ZNF366: variants seen among roughly 807,000 people sequenced by gnomAD.
The protein encoded by ZNF366 is zinc finger protein 366, also known as dendritic cell-specific transcript protein.
A neutral mutation model predicts 47.2 loss-of-function variants in ZNF366; 20 were observed. The observed-to-expected ratio is 0.42, with a 90% CI of 0.30 to 0.62. The LOEUF is 0.62. ZNF366 is among the 20% of genes least tolerant of loss of function. The pLI, the probability that ZNF366 is intolerant of heterozygous loss-of-function variation, is 0.16. For missense variants in ZNF366, 987 were observed against 976.3 expected, an observed-to-expected ratio of 1.01 and a Z score of -0.15; for synonymous variants, 421 against 395.1, an observed-to-expected ratio of 1.07 and a Z score of -0.78.
intron 1 of ZNF366, chr5:72,472,639 G>A (rs1743593955): frequency 1.1e-6 from 1 of 872,808 alleles, no homozygotes; most frequent in Non-Finnish European, 1.4e-6. Context: ...AAGATTCATA[G>A]TAATTACAGA....
intron 1 of ZNF366, among the ~76,000 whole-genome samples, chr5:72,478,501 A>G (rs972999448): frequency 2.0e-5 from 3 of 152,144 alleles, no homozygotes; most frequent in African/African-American, 7.2e-5. Context: ...AATGTGCCCA[A>G]TTTCTTTGCC....
At chr5:72,502,039 C>CT (rs376984539) in intron 1 of ZNF366, among the ~76,000 whole-genome samples, 16 of 150,338 alleles carry the variant, frequency 1.1e-4, no homozygotes, top group African/African-American at 2.4e-4. Context: ...GTTTGACTAA[C>CT]TTTTTTTTTT....
At chr5:72,456,754 A>G (rs1293816992) in intron 2 of ZNF366, among the ~76,000 whole-genome samples, 159 bp from the exon 3 acceptor site, 1 of 152,086 alleles carries the variant, frequency 6.6e-6, no homozygotes, top group Non-Finnish European at 1.5e-5. Flanking sequence ...TTAAATTACT[A>G]TTTTCTTGAA....
chr5:72,457,661 C>T (rs536920142), intron 2 of ZNF366, among the ~76,000 whole-genome samples: 1 of 152,266 alleles, frequency 6.6e-6, no homozygotes, highest in East Asian at 1.9e-4. Context: ...GCCCATGGTA[C>T]TAAATGGTGG....
intron 1 of ZNF366, among the ~76,000 whole-genome samples, chr5:72,490,510 G>C (rs1288728498): frequency 6.6e-6 from 1 of 152,146 alleles, no homozygotes; most frequent in African/African-American, 2.4e-5. Flanking sequence ...GCTGAAAGAT[G>C]GCAAGGTACC....
chr5:72,504,061 A>C (rs1329908597), intron 1 of ZNF366, among the ~76,000 whole-genome samples: 1 of 152,042 alleles, frequency 6.6e-6, no homozygotes, highest in Non-Finnish European at 1.5e-5. Context: ...ACACGCACGC[A>C]CACACGCACG....
chr5:72,464,861 C>T (rs1186541342), intron 1 of ZNF366, among the ~76,000 whole-genome samples: 1 of 151,926 alleles, frequency 6.6e-6, no homozygotes, highest in East Asian at 1.9e-4. Flanking sequence ...GAGTTTGAGA[C>T]CAGCCTGGCC....
intron 1 of ZNF366, among the ~76,000 whole-genome samples, chr5:72,496,392 C>T (rs933426555): frequency 6.6e-6 from 1 of 152,090 alleles, no homozygotes; most frequent in African/African-American, 2.4e-5. Context: ...GTGTCTGGTT[C>T]CTTTAATAAT....
At chr5:72,501,190 G>A (rs1258181750) in intron 1 of ZNF366, among the ~76,000 whole-genome samples, 1 of 152,182 alleles carries the variant, frequency 6.6e-6, no homozygotes, top group Non-Finnish European at 1.5e-5. Flanking sequence ...CGCTGGTGGT[G>A]GCAGTGCCGT....
In ZNF366 at chr5:72,443,769, A is replaced by C. The variant is rs1184528273; in HGVS notation, c.2222T>G (p.Leu741Arg). ...LERKMEKQAVLLGI is the reference protein window; with the variant it reads ...LERKMEKQAVRLGI ...AAAACTGTCCACTTAGATACCTAAAAGCACTGCTTGTTTTTCCATTTTCCT... is the reference window on the plus strand; with the variant it reads ...AAAACTGTCCACTTAGATACCTAAACGCACTGCTTGTTTTTCCATTTTCCT... Residue 741 changes from leucine (L) to arginine (R), a missense_variant, in exon 5 of 5, where the codon CTT becomes CGT. This residue lies in a region of ZNF366 where 285 missense variants were observed against 234.8 expected (regional missense o/e 1.21). Transcript: ENST00000318442. 6.2e-7 allele frequency: 1 copy of C among 1,613,000 alleles called. No homozygotes were observed. The highest frequency in any genetic ancestry group is 8.5e-7 in the Non-Finnish European group (1 of 1,179,368).
chr5:72,463,721 G>A (rs995724078), intron 1 of ZNF366, among the ~76,000 whole-genome samples: 5 of 152,240 alleles, frequency 3.3e-5, no homozygotes, highest in Admixed American at 1.3e-4. Context: ...GGACCAGCAG[G>A]AGGATGGGGA....
chr5:72,479,853 T>G (rs929787501), intron 1 of ZNF366, among the ~76,000 whole-genome samples: 14 of 152,202 alleles, frequency 9.2e-5, no homozygotes, highest in Non-Finnish European at 2.1e-4. Flanking sequence ...GGTATAAGAC[T>G]GGAGACAGGG....
chr5:72,460,032 C>A lies in ZNF366; in HGVS notation c.1332+133G>T, dbSNP rs1250040114. The A allele has an allele frequency of 3.2e-6, 4 of 1,249,614 alleles. No individual in the cohort carries two copies. In the South Asian group the frequency reaches 4.7e-5, roughly 15 times the overall value. 77.4% of individuals were successfully genotyped at this position (1,249,614 alleles called of 1,614,324 possible). On this transcript the variant is annotated intron_variant, in intron 2 of 4. Coordinates refer to ENST00000318442, the MANE Select transcript of ZNF366 (RefSeq NM_152625.3). ...GGACCTCAGGGCTCGGCCAAGGGAC[C>A]GCTTGTCCGGGGTTGCCCACCTCCT... is the stretch of plus-strand genomic sequence containing the variant.
chr5:72,473,020 C>A (rs1361562174), intron 1 of ZNF366, among the ~76,000 whole-genome samples: 2 of 152,226 alleles, frequency 1.3e-5, no homozygotes, highest in East Asian at 3.9e-4. Context: ...ACACTGGGAT[C>A]TCCTTGAAGC....
chr5:72,487,004 T>C (rs538140058), intron 1 of ZNF366, among the ~76,000 whole-genome samples: 1 of 152,322 alleles, frequency 6.6e-6, no homozygotes, highest in South Asian at 2.1e-4. Flanking sequence ...CTTGAACTCC[T>C]GATCTTGTGA....
chr5:72,485,154 T>G (rs1461555932), intron 1 of ZNF366, among the ~76,000 whole-genome samples: 2 of 152,228 alleles, frequency 1.3e-5, no homozygotes, highest in East Asian at 3.8e-4. Context: ...ATTCTCTTGA[T>G]TAAATGCGGA....
intron 1 of ZNF366, among the ~76,000 whole-genome samples, chr5:72,466,585 A>G (rs189953628): frequency 1.3e-5 from 2 of 152,334 alleles, no homozygotes; most frequent in African/African-American, 2.4e-5. Flanking sequence ...TCACTGCTGC[A>G]TCTTCAATTC....
Position 72,440,471 on chromosome 5 carries a change from G to A in ZNF366, c.*3285C>T, listed in dbSNP as rs925245560. 6.6e-6 allele frequency: 1 copy of A among 152,212 alleles called. No homozygotes were observed. The highest frequency in any genetic ancestry group is 1.5e-5 in the Non-Finnish European group (1 of 68,036). The allele number at this position is 152,212 out of a possible 1,614,324, so 9.4% of individuals were successfully genotyped here. A position where few individuals can be genotyped will look rare whatever the true frequency, so the allele number is the denominator to read the frequency against. On this transcript the variant is annotated 3_prime_UTR_variant, in exon 5 of 5. Coordinates refer to ENST00000318442, the MANE Select transcript of ZNF366 (RefSeq NM_152625.3). ...TGGTCAAAAGGCTGGAAAGCATTTG[G>A]TAGTGACCTATTTTCAGAGTCTCAC...
chr5:72,504,564 T>A (rs1744285101), intron 1 of ZNF366, among the ~76,000 whole-genome samples: 1 of 152,210 alleles, frequency 6.6e-6, no homozygotes, highest in South Asian at 2.1e-4. Context: ...TACACTCTTT[T>A]ATTTTATAAG....
Sources: allele counts gnomAD v4.1 joint callset (sites outside exome capture counted in the v4.1 genomes callset), GRCh38; gene constraint gnomAD v4.1.1; regional missense constraint gnomAD v4.1.1; transcripts MANE v1.5; gene names NCBI Gene and HGNC (gene_info 2026-07-23, HGNC 2026-07-21).